AGBL1: variants seen among roughly 807,000 people sequenced by gnomAD.
AGBL1 encodes AGBL carboxypeptidase 1.
In AGBL1, 130 loss-of-function variants were observed where a neutral mutation model predicts 118.9. The ratio of observed to expected loss-of-function variants is 1.09; its 90% CI spans 0.95 to 1.26. AGBL1 has a LOEUF of 1.26. Ranked by LOEUF, AGBL1 falls within the 50% of genes most tolerant of loss-of-function variation. The pLI is 0.00. For missense variants in AGBL1, 1,584 were observed against 1,298.1 expected, an observed-to-expected ratio of 1.22 and a Z score of -3.38; for synonymous variants, 555 against 478.9, an observed-to-expected ratio of 1.16 and a Z score of -2.08.
chr15:86,502,096 A>G (rs1046308324), intron 18 of AGBL1, among the ~76,000 whole-genome samples: 1 of 151,558 alleles, frequency 6.6e-6, no homozygotes, highest in Non-Finnish European at 1.5e-5. Flanking sequence ...CATTTGTTGA[A>G]GTGCTCTTTA....
At chr15:86,674,157 T>C in intron 21 of AGBL1, 116 bp from the exon 22 acceptor site, 1 of 984,090 alleles carries the variant, frequency 1.0e-6, no homozygotes, top group South Asian at 1.6e-5. Flanking sequence ...CAAATACAAT[T>C]AATTCTCACT....
At chr15:86,115,855 C>A (rs115559947) in intron 1 of AGBL1, among the ~76,000 whole-genome samples, 515 of 152,272 alleles carry the variant, frequency 3.4e-3, no homozygotes, top group Middle Eastern at 6.8e-3. Context: ...TCCAGGATGA[C>A]CAAACATTTC....
In AGBL1 at chr15:86,987,461, C is replaced by T. The variant is rs181671891; in HGVS notation, c.3222-526C>T. Among the ~76,000 whole-genome samples the T allele has an allele frequency of 5.5e-3, 835 of 152,178 alleles. 9 individuals carry two copies. Among genetic ancestry groups the T allele is most frequent in the Middle Eastern group, 0.027 (8 of 294 alleles). Reference sequence around the variant, plus strand: ...CAACTACAAATAAGACAGTTTATTTCCAAATTGTATGCCTTTTATTTCTTT... The same window carrying T: ...CAACTACAAATAAGACAGTTTATTTTCAAATTGTATGCCTTTTATTTCTTT... On this transcript the variant is annotated intron_variant, in intron 23 of 24. Coordinates refer to the AGBL1 transcript ENST00000441037.
chr15:86,213,551 T>C (rs945969144), intron 5 of AGBL1, among the ~76,000 whole-genome samples: 2 of 152,134 alleles, frequency 1.3e-5, no homozygotes, highest in South Asian at 2.1e-4. Flanking sequence ...GCACAGTGCA[T>C]GCTCAAGTTT....
chr15:86,759,964 G>A (rs1026433221), intron 22 of AGBL1, among the ~76,000 whole-genome samples: 1 of 152,030 alleles, frequency 6.6e-6, no homozygotes, highest in Admixed American at 6.6e-5. Flanking sequence ...GTTATTTTTA[G>A]ACTTACTGAA....
At chr15:86,542,076 G>T (rs1006159658) in intron 19 of AGBL1, among the ~76,000 whole-genome samples, 2 of 152,154 alleles carry the variant, frequency 1.3e-5, no homozygotes, top group Non-Finnish European at 2.9e-5. Flanking sequence ...GCTGGAAGTG[G>T]ATCTAACAGC....
chr15:86,441,991 G>T (rs899646360), intron 18 of AGBL1, among the ~76,000 whole-genome samples: 4 of 152,202 alleles, frequency 2.6e-5, no homozygotes, highest in Non-Finnish European at 5.9e-5. Flanking sequence ...CCACAAGGGT[G>T]GGGTAGATGG....
At chr15:86,120,907 T>G (rs1360076112) in intron 1 of AGBL1, among the ~76,000 whole-genome samples, 1 of 151,828 alleles carries the variant, frequency 6.6e-6, no homozygotes, top group Non-Finnish European at 1.5e-5. Flanking sequence ...TGGATTTTTT[T>G]TTTTTTTAAG....
At chr15:86,101,327 T>A (rs1264440527) in intron 1 of AGBL1, among the ~76,000 whole-genome samples, 2 of 152,144 alleles carry the variant, frequency 1.3e-5, no homozygotes, top group African/African-American at 2.4e-5. Flanking sequence ...GAAAGTATAT[T>A]CTGTAACTTG....
chr15:86,359,863 T>C (rs906547534), intron 17 of AGBL1, among the ~76,000 whole-genome samples: 1 of 151,988 alleles, frequency 6.6e-6, no homozygotes, highest in South Asian at 2.1e-4. Flanking sequence ...GATACTTTGT[T>C]TTTTTGTGTA....
At chr15:86,890,050 C>T (rs2080029278) in intron 22 of AGBL1, among the ~76,000 whole-genome samples, 1 of 152,156 alleles carries the variant, frequency 6.6e-6, no homozygotes, top group Admixed American at 6.5e-5. Flanking sequence ...GCAGTCTTGC[C>T]AGCATCTGTT....
At chr15:86,881,082 G>A (rs2079885048) in intron 22 of AGBL1, among the ~76,000 whole-genome samples, 1 of 152,078 alleles carries the variant, frequency 6.6e-6, no homozygotes, top group African/African-American at 2.4e-5. Context: ...GTGCATGGCG[G>A]GCAGTTCTCA....
intron 23 of AGBL1, among the ~76,000 whole-genome samples, chr15:86,980,705 T>C (rs191627812): frequency 5.8e-4 from 88 of 152,060 alleles, no homozygotes; most frequent in African/African-American, 1.6e-3. Flanking sequence ...CTAAATAGAG[T>C]CTTGCATCAT....
intron 18 of AGBL1, among the ~76,000 whole-genome samples, chr15:86,411,713 T>C (rs548543727): frequency 6.6e-6 from 1 of 152,312 alleles, no homozygotes; most frequent in East Asian, 1.9e-4. Context: ...GCCAAGGAGA[T>C]AAATAAGAGA....
intron 22 of AGBL1, among the ~76,000 whole-genome samples, chr15:86,689,127 A>G (rs911401250): frequency 2.6e-5 from 4 of 152,148 alleles, no homozygotes; most frequent in African/African-American, 7.2e-5. Context: ...CTGTTTCTCT[A>G]ACAGCCTGAG....
chr15:86,892,230 T>A (rs1205489067), intron 22 of AGBL1, among the ~76,000 whole-genome samples: 5 of 152,198 alleles, frequency 3.3e-5, no homozygotes, highest in Admixed American at 3.3e-4. Context: ...CATTCCCATT[T>A]TCATAAAGAG....
At chr15:86,606,246 G>A (rs1056214145) in intron 21 of AGBL1, among the ~76,000 whole-genome samples, 24 of 151,952 alleles carry the variant, frequency 1.6e-4, no homozygotes, top group Non-Finnish European at 2.5e-4. Context: ...CTGTGGTTCT[G>A]TTTAAGCAAA....
chr15:86,099,388 A>AT (rs1396154422), intron 1 of AGBL1, among the ~76,000 whole-genome samples: 2 of 151,866 alleles, frequency 1.3e-5, no homozygotes, highest in Non-Finnish European at 2.9e-5. Flanking sequence ...AATGCTACCG[A>AT]TTTTTTGTGT....
chr15:86,280,190 A>G (rs2079327578), intron 16 of AGBL1, among the ~76,000 whole-genome samples: 1 of 152,218 alleles, frequency 6.6e-6, no homozygotes, highest in South Asian at 2.1e-4. Flanking sequence ...GAATGGAGAA[A>G]GCAGGAAGGT....
Sources: gnomAD v4.1 joint callset for allele counts (sites outside exome capture counted in the v4.1 genomes callset) on GRCh38, gnomAD v4.1.1 for gene constraint, MANE v1.5 for transcripts, NCBI Gene and HGNC (gene_info 2026-07-23, HGNC 2026-07-21) for gene names.